POLR2F: variants seen among roughly 807,000 people sequenced by gnomAD.
The protein encoded by POLR2F is RNA polymerase II, I and III subunit F.
Under a neutral mutation model 22.7 loss-of-function variants are expected in POLR2F, and 12 were observed. That is an observed-to-expected ratio of 0.53 (90% confidence interval 0.34 to 0.86). POLR2F has a LOEUF of 0.86. Ranked by LOEUF, POLR2F falls within the 40% of genes least tolerant of loss-of-function variation. The pLI, the probability that POLR2F is intolerant of heterozygous loss-of-function variation, is 0.02. For missense variants in POLR2F, 126 were observed against 171.5 expected, an observed-to-expected ratio of 0.73 and a Z score of 1.48; for synonymous variants, 57 against 66.0, an observed-to-expected ratio of 0.86 and a Z score of 0.66.
chr22:38,032,119 T>C (rs2085071610), intron 5 of POLR2F: 1 of 152,248 alleles, frequency 6.6e-6, no homozygotes, highest in African/African-American at 2.4e-5. Flanking sequence ...CACTTCAGCC[T>C]TCCAAATAGC....
Position 37,968,242 on chromosome 22 carries a change from G to A in POLR2F, c.*527G>A, listed in dbSNP as rs1931935809. The A allele has an allele frequency of 7.1e-6, 7 of 985,512 alleles. No homozygotes were observed. In the South Asian group the frequency reaches 2.8e-4, roughly 40 times the overall value. The allele number at this position is 985,512 out of a possible 1,614,324, so 61.0% of individuals were successfully genotyped here. A position where few individuals can be genotyped will look rare whatever the true frequency, so the allele number is the denominator to read the frequency against. ...GTGCCCCAGCAGGAAGCGTGGGGGT[G>A]TGCTGATCTCCCACCCTCCCCAGGC... On this transcript the variant is annotated 3_prime_UTR_variant, in exon 5 of 5. Transcript: ENST00000442738.
downstream of POLR2F, among the ~76,000 whole-genome samples, chr22:38,028,172 T>TGA (rs757982488): frequency 6.6e-6 from 1 of 152,038 alleles, no homozygotes; most frequent in African/African-American, 2.4e-5. Context: ...CTTGTGTGCA[T>TGA]GAGAGAGAGA....
downstream of POLR2F, chr22:37,973,598 C>T (rs1181391352): frequency 1.1e-5 from 17 of 1,613,242 alleles, no homozygotes; most frequent in Admixed American, 1.7e-5. Flanking sequence ...GTAGAGGGGC[C>T]GCTGCGAGGG....
chr22:37,986,185 G>A (rs1450054502), upstream of POLR2F: 1 of 1,542,742 alleles, frequency 6.5e-7, no homozygotes, highest in South Asian at 1.2e-5. The surrounding 1 kb of genome is among the most constrained non-coding windows in gnomAD (Gnocchi z 4.7). Context: ...GCCCGGAGAG[G>A]AGCCGCCCTG....
chr22:37,993,265 C>T (rs1932756049), intron 1 of POLR2F, among the ~76,000 whole-genome samples: 1 of 152,182 alleles, frequency 6.6e-6, no homozygotes, highest in Admixed American at 6.5e-5. Flanking sequence ...GGTTGCCCAG[C>T]TTAGGAACTG....
upstream of POLR2F, among the ~76,000 whole-genome samples, chr22:37,984,688 G>C (rs2145779390): frequency 6.6e-6 from 1 of 152,246 alleles, no homozygotes; most frequent in East Asian, 1.9e-4. This position sits in a 1 kb window ranked among gnomAD's most constrained non-coding sequence, Gnocchi z 4.4. Flanking sequence ...CCTCCACCCG[G>C]AGCCCAGGCC....
chr22:37,958,723 C>T (rs1274876816), intron 2 of POLR2F, among the ~76,000 whole-genome samples: 1 of 152,102 alleles, frequency 6.6e-6, no homozygotes, highest in Non-Finnish European at 1.5e-5. Context: ...TGAGGTGTCC[C>T]CACCTCCTCG....
downstream of POLR2F, among the ~76,000 whole-genome samples, chr22:38,028,964 G>A (rs373276158): frequency 2.2e-4 from 34 of 152,300 alleles, 1 homozygote; most frequent in East Asian, 5.8e-3. Context: ...CTGTGCACTT[G>A]GCTGGTGAGC....
At chr22:37,956,923 C>T (rs1457536563) in intron 2 of POLR2F, 81 bp downstream of exon 2, 2 of 1,086,252 alleles carry the variant, frequency 1.8e-6, no homozygotes, top group Non-Finnish European at 2.9e-6. Context: ...CTGAATGTGT[C>T]TGCCTTCTAT....
At chr22:37,982,000 C>T (rs1483195939), upstream of POLR2F, among the ~76,000 whole-genome samples, 1 of 152,192 alleles carries the variant, frequency 6.6e-6, no homozygotes, top group Non-Finnish European at 1.5e-5. Context: ...TTCTACCACT[C>T]TAAGCCTCTA....
exon 3 of POLR2F, chr22:38,026,529 ATGG>A: frequency 1.5e-5 from 5 of 340,320 alleles, no homozygotes; most frequent in Admixed American, 3.9e-5. Context: ...GGAAGGCGGG[ATGG>A]CCCCTCTTTC....
At chr22:37,993,339 G>A (rs770137039) in intron 1 of POLR2F, among the ~76,000 whole-genome samples, 1 of 152,108 alleles carries the variant, frequency 6.6e-6, no homozygotes, top group Non-Finnish European at 1.5e-5. Flanking sequence ...TGTGATCCAG[G>A]CCATTGCCCC....
At chr22:37,993,642 CCATGCCTCA>C (rs1239702259) in intron 1 of POLR2F, among the ~76,000 whole-genome samples, 5 of 152,128 alleles carry the variant, frequency 3.3e-5, no homozygotes, top group African/African-American at 1.2e-4. Context: ...AGTAACCTTC[CCATGCCTCA>C]ATCTCCTGTC....
In POLR2F at chr22:37,968,017, T is replaced by A; in HGVS notation, c.*302T>A. The A allele has an allele frequency of 9.6e-7, 1 of 1,044,772 alleles. No individual in the cohort carries two copies. Among genetic ancestry groups the A allele is most frequent in the Non-Finnish European group, 1.2e-6 (1 of 867,186 alleles). The allele number at this position is 1,044,772 out of a possible 1,614,324, so 64.7% of individuals were successfully genotyped here. A position where few individuals can be genotyped will look rare whatever the true frequency, so the allele number is the denominator to read the frequency against. Reference sequence around the variant, plus strand: ...CTGCAGGGGAGACACCTCAGCTGCCTTCCAAGCAGACAGACAAGTCTTTGT... The same window carrying A: ...CTGCAGGGGAGACACCTCAGCTGCCATCCAAGCAGACAGACAAGTCTTTGT... On this transcript the variant is annotated 3_prime_UTR_variant, in exon 5 of 5. Transcript: ENST00000442738.
intron 1 of POLR2F, among the ~76,000 whole-genome samples, chr22:38,015,974 C>T (rs1264397943): frequency 6.6e-6 from 1 of 152,066 alleles, no homozygotes; most frequent in Non-Finnish European, 1.5e-5. Context: ...TGTGTGGCCT[C>T]CTCTGCTCAA....
At chr22:37,983,027 G>A (rs1342691559), upstream of POLR2F, among the ~76,000 whole-genome samples, 1 of 152,334 alleles carries the variant, frequency 6.6e-6, no homozygotes, top group African/African-American at 2.4e-5. The surrounding 1 kb of genome is among the most constrained non-coding windows in gnomAD (Gnocchi z 9.5). Context: ...CATAGTGTGC[G>A]TATCTGTGGG....
At chr22:37,954,123 C>T (rs1380068143) in intron 1 of POLR2F, among the ~76,000 whole-genome samples, 1 of 152,078 alleles carries the variant, frequency 6.6e-6, no homozygotes, top group African/African-American at 2.4e-5. Flanking sequence ...CCCTGCCTCT[C>T]CACGTGCTCA....
chr22:37,989,874 C>T (rs908223162), intron 1 of POLR2F, among the ~76,000 whole-genome samples: 1 of 152,232 alleles, frequency 6.6e-6, no homozygotes, highest in Non-Finnish European at 1.5e-5. Context: ...CCCTGGAGCG[C>T]TGTCCTCCCT....
intron 1 of POLR2F, among the ~76,000 whole-genome samples, chr22:38,002,315 A>G: frequency 6.6e-6 from 1 of 152,262 alleles, no homozygotes; most frequent in East Asian, 1.9e-4. Context: ...TAAATGAAAA[A>G]TAAAAAAGAC....
Sources: allele counts gnomAD v4.1 joint callset (sites outside exome capture counted in the v4.1 genomes callset), GRCh38; gene constraint gnomAD v4.1.1; non-coding constraint Gnocchi (gnomAD v3.1); transcripts MANE v1.5; gene names NCBI Gene and HGNC (gene_info 2026-07-23, HGNC 2026-07-21).